ZFHX4: variants seen among roughly 807,000 people sequenced by gnomAD.
ZFHX4 encodes zinc finger homeobox 4.
ZFHX4 carries 56 observed loss-of-function variants against 267.6 expected under a neutral mutation model. The observed-to-expected ratio is 0.21, with a 90% CI of 0.17 to 0.26. The LOEUF is 0.26. ZFHX4 is among the 10% of genes least tolerant of loss of function. The pLI is 1.00. For missense variants in ZFHX4, 4,332 were observed against 4,420.0 expected, an observed-to-expected ratio of 0.98 and a Z score of 0.56; for synonymous variants, 1,778 against 1,665.6, an observed-to-expected ratio of 1.07 and a Z score of -1.64.
In ZFHX4 at chr8:76,850,216, T is replaced by C. The variant is rs759723658; in HGVS notation, c.3847-29T>C. 8 of 1,557,582 alleles carry C rather than the reference T, an allele frequency of 5.1e-6. No homozygotes were observed. In the South Asian group the frequency reaches 8.1e-5, roughly 16 times the overall value. On this transcript the variant is annotated intron_variant, in intron 8 of 10. Transcript: ENST00000651372. Reference sequence around the variant, plus strand: ...TGGAATTTGTGATTTCTGGGGTACATTTAACATAAACCCCTTTGGTTTCCA... The same window carrying C: ...TGGAATTTGTGATTTCTGGGGTACACTTAACATAAACCCCTTTGGTTTCCA...
intron 3 of ZFHX4, among the ~76,000 whole-genome samples, chr8:76,724,995 G>C (rs1032031082): frequency 3.3e-5 from 5 of 151,086 alleles, no homozygotes; most frequent in African/African-American, 1.2e-4. Context: ...ATAAGTGTGT[G>C]TGTACAGGTA....
At chr8:76,750,560 A>G (rs7822501) in intron 3 of ZFHX4, among the ~76,000 whole-genome samples, 40,545 of 152,038 alleles carry the variant, frequency 0.27, 7,145 homozygotes, top group African/African-American at 0.49. Context: ...AAAGAAATCC[A>G]ACTGCTAGCC....
intron 4 of ZFHX4, among the ~76,000 whole-genome samples, chr8:76,830,862 C>G (rs1811915354): frequency 6.6e-6 from 1 of 152,070 alleles, no homozygotes; most frequent in Non-Finnish European, 1.5e-5. Context: ...TTTCACAGGT[C>G]TAGAGAAAAA....
chr8:76,783,697 G>A (rs1810613452), intron 4 of ZFHX4, among the ~76,000 whole-genome samples: 1 of 151,926 alleles, frequency 6.6e-6, no homozygotes, highest in African/African-American at 2.4e-5. Flanking sequence ...ACATTTAATT[G>A]TTAATGAAAC....
chr8:76,745,193 C>T (rs1809427825), intron 3 of ZFHX4, among the ~76,000 whole-genome samples: 1 of 152,116 alleles, frequency 6.6e-6, no homozygotes, highest in African/African-American at 2.4e-5. Context: ...AGCATCACAC[C>T]CATGATACTT....
At chr8:76,775,004 T>A (rs1424669274) in intron 3 of ZFHX4, among the ~76,000 whole-genome samples, 1 of 152,184 alleles carries the variant, frequency 6.6e-6, no homozygotes, top group Non-Finnish European at 1.5e-5. Flanking sequence ...AAATTGAATG[T>A]TTCCAGCTAA....
At chr8:76,833,846 A>G (rs898860028) in intron 5 of ZFHX4, among the ~76,000 whole-genome samples, 3 of 152,156 alleles carry the variant, frequency 2.0e-5, no homozygotes, top group African/African-American at 7.2e-5. Context: ...ATCATATAGA[A>G]CAGTTTCACT....
At chr8:76,793,025 A>G (rs1454415875) in intron 4 of ZFHX4, among the ~76,000 whole-genome samples, 1 of 152,160 alleles carries the variant, frequency 6.6e-6, no homozygotes, top group Non-Finnish European at 1.5e-5. Context: ...GAGAGCACAA[A>G]GGAGAACACA....
At position 76,849,676 on chromosome 8, in the gene ZFHX4, T is replaced by C. The variant is rs1352820329; in HGVS notation, c.3810T>C (p.Ser1270=). The C allele has an allele frequency of 3.7e-6, 6 of 1,613,806 alleles. No individual in the cohort carries two copies. The highest frequency in any genetic ancestry group is 1.7e-6 in the Non-Finnish European group (2 of 1,179,866). Residue 1270 remains serine, a synonymous_variant, in exon 8 of 11, where the codon AGT becomes AGC. Coordinates refer to ENST00000651372, the MANE Select transcript of ZFHX4 (RefSeq NM_024721.5). Reference sequence around the variant, plus strand: ...AACTGCATCTGACGCATTTGCACAGTGTGTCTCCAGACTGTGTGGAGAAGC... The same window carrying C: ...AACTGCATCTGACGCATTTGCACAGCGTGTCTCCAGACTGTGTGGAGAAGC... ...HLQLHLTHLH[S]VSPDCVEKLL...
chr8:76,835,245 A>ATATATGTATATATATATATATATGTG (rs1195708125), intron 5 of ZFHX4, among the ~76,000 whole-genome samples: 5 of 129,154 alleles, frequency 3.9e-5, no homozygotes, highest in Non-Finnish European at 8.1e-5. Flanking sequence ...ATATATGTAT[A>ATATATGTATATATATATATATATGTG]TATATATATA....
intron 4 of ZFHX4, among the ~76,000 whole-genome samples, chr8:76,813,857 A>C (rs1217301325): frequency 6.6e-6 from 1 of 152,190 alleles, no homozygotes; most frequent in Non-Finnish European, 1.5e-5. Flanking sequence ...ATGTAAGCAT[A>C]TGATTCCAAA....
chr8:76,705,696 A>C lies in ZFHX4; in HGVS notation c.1608A>C (p.Lys536Asn), dbSNP rs746888916. The C allele has an allele frequency of 6.2e-7, 1 of 1,614,038 alleles. No individual in the cohort carries two copies. The change falls in exon 2 of 11, where the codon AAA becomes AAC. Residue 536 changes from lysine (K) to asparagine (N), a missense_variant. Physicochemically the swap from Lys to Asn is moderately conservative, Grantham distance 94. This residue lies in a region of ZFHX4 where 1,195 missense variants were observed against 1,173.6 expected (regional missense o/e 1.02). Coordinates refer to ENST00000651372, the MANE Select transcript of ZFHX4 (RefSeq NM_024721.5). ...SATVSDDTEK[K>N]KQTAAVRASG... is the part of the protein sequence containing the mutation. The stretch of plus-strand genomic sequence containing the variant: ...CTGTTTCTGATGACACAGAAAAGAA[A>C]AAACAGACTGCTGCTGTTAGGGCCA...
intron 5 of ZFHX4, among the ~76,000 whole-genome samples, chr8:76,834,609 T>C (rs1812022379): frequency 1.3e-5 from 2 of 152,194 alleles, no homozygotes; most frequent in Admixed American, 1.3e-4. Context: ...TATTTGCTTG[T>C]AAGAGTTGTA....
intron 10 of ZFHX4, among the ~76,000 whole-genome samples, chr8:76,859,948 T>G (rs1200772122): frequency 1.3e-5 from 2 of 152,094 alleles, no homozygotes; most frequent in African/African-American, 4.8e-5. Flanking sequence ...GATGGTAGTA[T>G]GAGATTATTT....
At position 76,863,385 on chromosome 8, in the gene ZFHX4, C is replaced by A; in HGVS notation, c.9671C>A (p.Ser3224Tyr). Residue 3224 changes from serine (S) to tyrosine (Y), a missense_variant, in exon 11 of 11, where the codon TCT becomes TAT. By Grantham distance (144) the Ser-to-Tyr change is moderately radical. Coordinates refer to ENST00000651372, the MANE Select transcript of ZFHX4 (RefSeq NM_024721.5). ...CCCAAAAAAGAGGAAAAAATCTCAT[C>A]TGCTCTTTCAGTGTTGGGCAAAGTT... Reference protein sequence around the residue: ...KHPKKEEKISSALSVLGKVVG... With the variant: ...KHPKKEEKISYALSVLGKVVG... 6.2e-7 allele frequency: 1 copy of A among 1,613,980 alleles called. No individual in the cohort carries two copies. The highest frequency in any genetic ancestry group is 2.2e-5 in the East Asian group (1 of 44,880).
intron 3 of ZFHX4, among the ~76,000 whole-genome samples, chr8:76,741,702 T>C (rs980453472): frequency 3.9e-5 from 6 of 152,188 alleles, no homozygotes; most frequent in East Asian, 3.9e-4. Context: ...GTGGTATAGA[T>C]AGAAATCGAG....
Position 76,853,062 on chromosome 8 carries a change from ACCTCCTCCTCCTCCT to A in ZFHX4, c.6150_6164del (p.Pro2057_Pro2061del). The A allele has an allele frequency of 2.3e-6, 1 of 437,684 alleles. No homozygotes were observed. The allele number at this position is 437,684 out of a possible 1,614,324, so 27.1% of individuals were successfully genotyped here. A position where few individuals can be genotyped will look rare whatever the true frequency, so the allele number is the denominator to read the frequency against. ...CACCCACTCCTCCCCCACCACCACCACCTCCTCCTCCTCCTCCTCCTCCCCCCCCACCTCCTCCAC... is the reference window on the plus strand; with the variant it reads ...CACCCACTCCTCCCCCACCACCACCACCTCCTCCCCCCCCACCTCCTCCAC... On this transcript the variant is annotated inframe_deletion, in exon 10 of 11. Coordinates refer to ENST00000651372, the MANE Select transcript of ZFHX4 (RefSeq NM_024721.5).
rs544728004 is a variant in ZFHX4, at chr8:76,689,114, T to C, written c.-47+7494T>C. Among the ~76,000 whole-genome samples the C allele has an allele frequency of 1.3e-3, 205 of 152,270 alleles. 1 individual carries two copies. Among genetic ancestry groups the C allele is most frequent in the Non-Finnish European group, 2.3e-3 (153 of 67,986 alleles). On this transcript the variant is annotated intron_variant, in intron 1 of 10. Coordinates refer to ENST00000651372, the MANE Select transcript of ZFHX4 (RefSeq NM_024721.5). ...TGGATTGTTTCAGAAACTTTTATGG[T>C]TAACTTTATGATATGCTTGAAAAAA...
intron 3 of ZFHX4, among the ~76,000 whole-genome samples, chr8:76,775,192 T>G (rs1187971677): frequency 6.6e-6 from 1 of 152,188 alleles, no homozygotes; most frequent in African/African-American, 2.4e-5. Flanking sequence ...GCTTGATAAC[T>G]TACTAGAAGA....
Sources: allele counts gnomAD v4.1 joint callset (sites outside exome capture counted in the v4.1 genomes callset), GRCh38; gene constraint gnomAD v4.1.1; regional missense constraint gnomAD v4.1.1; transcripts MANE v1.5; gene names NCBI Gene and HGNC (gene_info 2026-07-23, HGNC 2026-07-21).